TNFAIP8L3: variants seen among roughly 807,000 people sequenced by gnomAD.
The protein encoded by TNFAIP8L3 is tumor necrosis factor alpha-induced protein 8-like protein 3.
Under a neutral mutation model 11.8 loss-of-function variants are expected in TNFAIP8L3, and 7 were observed. The ratio of observed to expected loss-of-function variants is 0.59; its 90% CI spans 0.34 to 1.11. TNFAIP8L3 has a LOEUF of 1.11. Among genes scored for constraint, TNFAIP8L3 ranks in the 50% most tolerant of loss-of-function variants. TNFAIP8L3 has a pLI of 0.03. For synonymous variants in TNFAIP8L3, 98 were observed against 103.8 expected (o/e 0.94, Z 0.34); for missense variants, 219 against 258.6 (o/e 0.85, Z 1.05).
At chr15:51,104,862 G>A (rs1425281060) in intron 1 of TNFAIP8L3, 4 of 881,336 alleles carry the variant, frequency 4.5e-6, no homozygotes, top group Non-Finnish European at 7.3e-6. Flanking sequence ...TTGATGTGGG[G>A]CACTAAATAA....
At chr15:51,096,764 G>A (rs1196629415), upstream of TNFAIP8L3, among the ~76,000 whole-genome samples, 1 of 151,924 alleles carries the variant, frequency 6.6e-6, no homozygotes, top group African/African-American at 2.4e-5. Context: ...GGTGGTGCAT[G>A]CCTGTAATCA....
intron 1 of TNFAIP8L3, among the ~76,000 whole-genome samples, chr15:51,093,919 G>A (rs1384885096): frequency 1.3e-5 from 2 of 152,228 alleles, no homozygotes; most frequent in Admixed American, 6.5e-5. Flanking sequence ...GCCTCTTAAA[G>A]GCGAAGTCGG....
intron 1 of TNFAIP8L3, among the ~76,000 whole-genome samples, chr15:51,069,876 C>T (rs1000137542): frequency 5.3e-5 from 8 of 152,208 alleles, no homozygotes; most frequent in Non-Finnish European, 8.8e-5. Context: ...CATCTGCCTT[C>T]GAAAAATTCC....
chr15:51,095,306 T>A (rs962392846), upstream of TNFAIP8L3, among the ~76,000 whole-genome samples: 3 of 151,528 alleles, frequency 2.0e-5, no homozygotes, highest in African/African-American at 7.3e-5. Flanking sequence ...AGATGACAGT[T>A]GGACTGTTGT....
intron 1 of TNFAIP8L3, among the ~76,000 whole-genome samples, chr15:51,090,607 T>C (rs1376690312): frequency 6.6e-6 from 1 of 152,200 alleles, no homozygotes; most frequent in African/African-American, 2.4e-5. Flanking sequence ...TGGAATGTCT[T>C]TCCCTTTCAC....
At chr15:51,080,638 C>T (rs947042974) in intron 1 of TNFAIP8L3, among the ~76,000 whole-genome samples, 2 of 152,168 alleles carry the variant, frequency 1.3e-5, no homozygotes, top group African/African-American at 2.4e-5. Flanking sequence ...TTCGGCAAAC[C>T]GCCTTAAAGA....
At chr15:51,104,857 G>A (rs1281992153) in intron 1 of TNFAIP8L3, 2 of 851,466 alleles carry the variant, frequency 2.3e-6, no homozygotes, top group African/African-American at 1.7e-5. Flanking sequence ...TGAATTTGAT[G>A]TGGGGCACTA....
At chr15:51,103,507 C>G (rs1433677464) in intron 1 of TNFAIP8L3, among the ~76,000 whole-genome samples, 1 of 152,168 alleles carries the variant, frequency 6.6e-6, no homozygotes, top group African/African-American at 2.4e-5. Flanking sequence ...TTAGATCTTG[C>G]CAAATTTGTG....
chr15:51,078,501 T>A (rs2065370517), intron 1 of TNFAIP8L3, among the ~76,000 whole-genome samples: 1 of 152,026 alleles, frequency 6.6e-6, no homozygotes, highest in Non-Finnish European at 1.5e-5. Context: ...CTATGCTTCA[T>A]GTCTGGGTGT....
rs896821753 is a variant in TNFAIP8L3 at position 51,094,682 on chromosome 15, G to C, written c.-87C>G. 2.5e-6 allele frequency: 3 copies of C among 1,189,102 alleles called. No homozygotes were observed. The highest frequency in any genetic ancestry group is 3.2e-5 in the African/African-American group (2 of 61,866). 73.7% of individuals were successfully genotyped at this position (1,189,102 alleles called of 1,614,324 possible). A position where few individuals can be genotyped will look rare whatever the true frequency, so the allele number is the denominator to read the frequency against. ...CGCGGCGCACTCAGGGCGGACAGCG[G>C]GGCGGCTGGAGCCCGGGCGGCGCGG... On this transcript the variant is annotated 5_prime_UTR_variant, in exon 1 of 2. Transcript: ENST00000637513. This position sits in a 1 kb window ranked among gnomAD's most constrained non-coding sequence, Gnocchi z 4.4.
At position 51,094,375 on chromosome 15, in the gene TNFAIP8L3, G is replaced by A. The variant is rs574731225; in HGVS notation, c.52+169C>T. On this transcript the variant is annotated intron_variant, in intron 1 of 1. Transcript: ENST00000637513. The surrounding 1 kb of genome is among the most constrained non-coding windows in gnomAD (Gnocchi z 4.4). Reference sequence around the variant, plus strand: ...TTCCCTCCCTCCCGCGCGCCCAAGTGCAATGGGGTTGGGGGAAGCCCCAAA... The same window carrying A: ...TTCCCTCCCTCCCGCGCGCCCAAGTACAATGGGGTTGGGGGAAGCCCCAAA... Among the ~76,000 whole-genome samples the A allele has an allele frequency of 5.9e-4, 90 of 152,218 alleles. No individual in the cohort carries two copies. The highest frequency in any genetic ancestry group is 1.0e-3 in the South Asian group (5 of 4,828).
intron 1 of TNFAIP8L3, among the ~76,000 whole-genome samples, chr15:51,082,039 A>G (rs1290958727): frequency 6.6e-6 from 1 of 150,850 alleles, no homozygotes; most frequent in Non-Finnish European, 1.5e-5. Flanking sequence ...ACTAAGAAAG[A>G]GTGAATTTTT....
At chr15:51,099,283 A>T (rs1413376612), upstream of TNFAIP8L3, among the ~76,000 whole-genome samples, 1 of 152,094 alleles carries the variant, frequency 6.6e-6, no homozygotes, top group Non-Finnish European at 1.5e-5. Context: ...GACCCCTTGT[A>T]GGAGGCAGAG....
chr15:51,084,350 C>G (rs1288123583), intron 1 of TNFAIP8L3, among the ~76,000 whole-genome samples: 2 of 152,192 alleles, frequency 1.3e-5, no homozygotes, highest in Non-Finnish European at 2.9e-5. Flanking sequence ...TAATATCCCA[C>G]TGTGTGGAAA....
chr15:51,058,935 C>T (rs1014635299), intron 1 of TNFAIP8L3, among the ~76,000 whole-genome samples: 1 of 152,216 alleles, frequency 6.6e-6, no homozygotes, highest in Non-Finnish European at 1.5e-5. Context: ...TCTCAGAACC[C>T]ACATATCATT....
At chr15:51,063,967 A>ATT in intron 1 of TNFAIP8L3, among the ~76,000 whole-genome samples, 1 of 152,202 alleles carries the variant, frequency 6.6e-6, no homozygotes, top group Non-Finnish European at 1.5e-5. Flanking sequence ...GCTTCCAGCC[A>ATT]TCTATCTTGT....
intron 1 of TNFAIP8L3, among the ~76,000 whole-genome samples, chr15:51,079,869 AAAAAAAAAAAG>A (rs1275341854): frequency 6.6e-6 from 1 of 151,238 alleles, no homozygotes; most frequent in African/African-American, 2.4e-5. Flanking sequence ...AAAAAAAAAA[AAAAAAAAAAAG>A]AAAGAAAGAA....
upstream of TNFAIP8L3, among the ~76,000 whole-genome samples, chr15:51,099,349 T>C (rs1290985811): frequency 6.6e-6 from 1 of 151,912 alleles, no homozygotes; most frequent in East Asian, 1.9e-4. Flanking sequence ...TCTTAGCTTC[T>C]GCTTCCTGAG....
rs1380962947 is a variant in TNFAIP8L3 at position 51,094,515 on chromosome 15, C to G, written c.52+29G>C. The G allele has an allele frequency of 1.4e-6, 2 of 1,469,538 alleles. No individual in the cohort carries two copies. The highest frequency in any genetic ancestry group is 1.8e-6 in the Non-Finnish European group (2 of 1,114,408). The allele number at this position is 1,469,538 out of a possible 1,614,324, so 91.0% of individuals were successfully genotyped here. On this transcript the variant is annotated intron_variant, in intron 1 of 1. Transcript: ENST00000637513. The surrounding 1 kb of genome is among the most constrained non-coding windows in gnomAD (Gnocchi z 4.4). ...CCCGTCCTCCCCAGCCCCAGCCCAC[C>G]CGCCTGGGCCGTCGCGGCCCCTAGG...
Sources: allele counts gnomAD v4.1 joint callset (sites outside exome capture counted in the v4.1 genomes callset), GRCh38; gene constraint gnomAD v4.1.1; non-coding constraint Gnocchi (gnomAD v3.1); transcripts MANE v1.5; gene names NCBI Gene and HGNC (gene_info 2026-07-23, HGNC 2026-07-21).